The following CACNB4 variants were observed in gnomAD, a reference collection of about 807,000 sequenced individuals.
CACNB4 encodes the protein calcium voltage-gated channel auxiliary subunit beta 4.
Under a neutral mutation model 71.2 loss-of-function variants are expected in CACNB4, and 32 were observed. The ratio of observed to expected loss-of-function variants is 0.45; its 90% CI spans 0.34 to 0.60. CACNB4 has a LOEUF of 0.60. Ranked by LOEUF, CACNB4 falls within the 20% of genes least tolerant of loss-of-function variation. The pLI is 0.01. For synonymous variants in CACNB4, 231 were observed against 236.9 expected (o/e 0.97, Z 0.23); for missense variants, 464 against 647.9 (o/e 0.72, Z 3.08).
At chr2:152,071,544 T>C (rs1016519472) in intron 2 of CACNB4, among the ~76,000 whole-genome samples, 5 of 152,228 alleles carry the variant, frequency 3.3e-5, no homozygotes, top group African/African-American at 1.2e-4. Flanking sequence ...ATGATGGTTA[T>C]GCCAATTTTT....
At chr2:151,934,817 C>A (rs1416948937) in intron 2 of CACNB4, among the ~76,000 whole-genome samples, 2 of 152,108 alleles carry the variant, frequency 1.3e-5, no homozygotes, top group African/African-American at 2.4e-5. Context: ...AGCCTGGCAA[C>A]AGAGTGAGAC....
At chr2:151,985,015 A>C (rs2151754588) in intron 2 of CACNB4, among the ~76,000 whole-genome samples, 1 of 152,264 alleles carries the variant, frequency 6.6e-6, no homozygotes, top group South Asian at 2.1e-4. Context: ...TTCCACAGCC[A>C]ATTCTTCCAC....
chr2:152,064,272 T>C (rs1454067513), intron 2 of CACNB4, among the ~76,000 whole-genome samples: 3 of 152,228 alleles, frequency 2.0e-5, no homozygotes, highest in Admixed American at 1.3e-4. Context: ...GCAAAAACAT[T>C]TGCTGGAGTG....
At position 152,098,478 on chromosome 2, in the gene CACNB4, A is replaced by ACC. The variant is rs756005496; in HGVS notation, c.64-67_64-66dup. On this transcript the variant is annotated intron_variant, in intron 1 of 13. Transcript: ENST00000539935. The surrounding 1 kb of genome is among the most constrained non-coding windows in gnomAD (Gnocchi z 5.3). Reference sequence around the variant, plus strand: ...GACCGCAGCGCAGAGCGGGGCGACCACCCCCGGCTGGAGTCCGCCTCCGGA... The same window carrying ACC: ...GACCGCAGCGCAGAGCGGGGCGACCACCCCCCCGGCTGGAGTCCGCCTCCGGA... 1.4e-6 allele frequency: 2 copies of ACC among 1,475,274 alleles called. No homozygotes were observed. Among genetic ancestry groups the ACC allele is most frequent in the African/African-American group, 2.8e-5 (2 of 71,968 alleles). 91.4% of individuals were successfully genotyped at this position (1,475,274 alleles called of 1,614,324 possible).
rs371263141 is a variant in CACNB4, at chr2:151,883,332, G to A, written c.186C>T (p.Ser62=). 3.3e-5 allele frequency: 53 copies of A among 1,613,618 alleles called. No homozygotes were observed. Among genetic ancestry groups the A allele is most frequent in the African/African-American group, 2.7e-4 (20 of 74,898 alleles). The change falls in exon 3 of 14, where the codon TCC becomes TCT. Residue 62 remains serine, a synonymous_variant. Coordinates refer to ENST00000539935, the MANE Select transcript of CACNB4 (RefSeq NM_000726.5). ...CCCGGTCCTCTTCCAAAGAGACATC[G>A]GAGTCAGACGGCCTGCTTGTGTAGG... ...ADSYTSRPSD[S]DVSLEEDREA...
intron 2 of CACNB4, among the ~76,000 whole-genome samples, chr2:151,929,987 C>T (rs1578843479): frequency 6.6e-6 from 1 of 152,038 alleles, no homozygotes; most frequent in East Asian, 1.9e-4. Context: ...ATTTGGGGAA[C>T]ATTTTCACAA....
intron 12 of CACNB4, chr2:151,850,141 C>CTTTTTTTTTTTTTTTTTTT (rs750436136): frequency 2.0e-5 from 2 of 98,160 alleles, no homozygotes; most frequent in African/African-American, 4.8e-5. Context: ...TTCTTTCTTT[C>CTTTTTTTTTTTTTTTTTTT]TTTTTTTTTT....
Position 151,974,370 on chromosome 2 carries a change from C to T in CACNB4, c.148-91000G>A, listed in dbSNP as rs114992624. The stretch of plus-strand genomic sequence containing the variant: ...GAGTCATAAAAAAAATCTTTACACC[C>T]AATGTGAAGAAAAAAATGACTAGAA... On this transcript the variant is annotated intron_variant, in intron 2 of 13. Transcript: ENST00000539935. Among the ~76,000 whole-genome samples the T allele has an allele frequency of 2.6e-3, 401 of 152,166 alleles. 1 individual carries two copies. Among genetic ancestry groups the T allele is most frequent in the African/African-American group, 9.1e-3 (379 of 41,530 alleles).
At chr2:151,988,659 T>G (rs1011981495) in intron 2 of CACNB4, among the ~76,000 whole-genome samples, 2 of 152,168 alleles carry the variant, frequency 1.3e-5, no homozygotes, top group Non-Finnish European at 2.9e-5. Flanking sequence ...AGTTCCTGGT[T>G]TGCAGAAGGC....
At chr2:152,035,918 G>T (rs192056635) in intron 2 of CACNB4, among the ~76,000 whole-genome samples, 1 of 152,262 alleles carries the variant, frequency 6.6e-6, no homozygotes, top group African/African-American at 2.4e-5. Context: ...AGATGTGGAA[G>T]CAACCTAAAT....
At chr2:152,005,525 G>A (rs1389929816) in intron 2 of CACNB4, among the ~76,000 whole-genome samples, 1 of 152,132 alleles carries the variant, frequency 6.6e-6, no homozygotes, top group African/African-American at 2.4e-5. Context: ...TTCAAAAGGA[G>A]GGAGTGAGGG....
chr2:152,058,254 C>A (rs1301985100), intron 2 of CACNB4, among the ~76,000 whole-genome samples: 1 of 152,084 alleles, frequency 6.6e-6, no homozygotes, highest in Non-Finnish European at 1.5e-5. Context: ...CAGACTAATA[C>A]AGTAAATTGG....
intron 2 of CACNB4, among the ~76,000 whole-genome samples, chr2:151,957,266 G>GTGTGTGTGTGTGTA (rs2099868528): frequency 6.7e-6 from 1 of 149,934 alleles, no homozygotes; most frequent in Non-Finnish European, 1.5e-5. Flanking sequence ...GCGTGTGTGT[G>GTGTGTGTGTGTGTA]TGTGTGTGTG....
At chr2:152,044,744 T>C (rs1426882314) in intron 2 of CACNB4, among the ~76,000 whole-genome samples, 1 of 152,222 alleles carries the variant, frequency 6.6e-6, no homozygotes, top group African/African-American at 2.4e-5. Flanking sequence ...TTTTCCCTCA[T>C]CTTTGCCATC....
At chr2:152,075,326 T>C (rs1686950112) in intron 2 of CACNB4, among the ~76,000 whole-genome samples, 1 of 152,150 alleles carries the variant, frequency 6.6e-6, no homozygotes, top group Non-Finnish European at 1.5e-5. Context: ...CACAACCAAG[T>C]CCTTGGGAGG....
chr2:152,062,240 T>G (rs148289012), intron 2 of CACNB4, among the ~76,000 whole-genome samples: 259 of 151,294 alleles, frequency 1.7e-3, no homozygotes, highest in African/African-American at 5.9e-3. Flanking sequence ...TTACAACAGA[T>G]AGAAAAAAAA....
intron 2 of CACNB4, among the ~76,000 whole-genome samples, chr2:151,983,455 G>C (rs1002273907): frequency 6.6e-6 from 1 of 152,084 alleles, no homozygotes; most frequent in African/African-American, 2.4e-5. Flanking sequence ...TGAATTACTT[G>C]ATCTAAATGC....
intron 9 of CACNB4, chr2:151,867,109 C>G (rs1004656869): frequency 3.9e-5 from 6 of 152,170 alleles, no homozygotes; most frequent in African/African-American, 1.4e-4. Flanking sequence ...TAATCTAACA[C>G]TGTCTTATGG....
intron 2 of CACNB4, among the ~76,000 whole-genome samples, chr2:151,887,232 G>C (rs980820391): frequency 4.6e-5 from 7 of 151,774 alleles, no homozygotes; most frequent in African/African-American, 1.7e-4. Context: ...AAACAGGTAG[G>C]AGCGAGCTAC....
Sources: allele counts gnomAD v4.1 joint callset (sites outside exome capture counted in the v4.1 genomes callset), GRCh38; gene constraint gnomAD v4.1.1; non-coding constraint Gnocchi (gnomAD v3.1); transcripts MANE v1.5; gene names NCBI Gene and HGNC (gene_info 2026-07-23, HGNC 2026-07-21).